The following HIPK2 variants were observed in gnomAD, a reference collection of about 807,000 sequenced individuals.
HIPK2 encodes the protein homeodomain interacting protein kinase 2.
A neutral mutation model predicts 113.7 loss-of-function variants in HIPK2; 27 were observed. The ratio of observed to expected loss-of-function variants is 0.24; its 90% CI spans 0.17 to 0.33. HIPK2 has a LOEUF of 0.33. Among genes scored for constraint, HIPK2 ranks in the 10% least tolerant of loss-of-function variants. The probability of loss-of-function intolerance (pLI) is 1.00; values close to 1 mark genes in which losing one functional copy is unlikely to be tolerated. For missense variants in HIPK2, 1,257 were observed against 1,588.0 expected (o/e 0.79, Z 3.54); for synonymous variants, 631 against 642.2 (o/e 0.98, Z 0.26).
At chr7:139,637,503 T>C (rs1800852665) in intron 2 of HIPK2, among the ~76,000 whole-genome samples, 1 of 152,216 alleles carries the variant, frequency 6.6e-6, no homozygotes, top group African/African-American at 2.4e-5. Context: ...CCCTGCTGGC[T>C]GTCACATGGC....
intron 2 of HIPK2, among the ~76,000 whole-genome samples, chr7:139,703,255 C>T (rs956066317): frequency 2.4e-4 from 36 of 152,162 alleles, no homozygotes; most frequent in Non-Finnish European, 1.2e-4. Flanking sequence ...GTGACCACCA[C>T]CACACTGAGA....
At chr7:139,769,660 C>T (rs921143951) in intron 1 of HIPK2, among the ~76,000 whole-genome samples, 2 of 152,210 alleles carry the variant, frequency 1.3e-5, no homozygotes, top group South Asian at 2.1e-4. Flanking sequence ...TATAGGAATA[C>T]CTCATTTATC....
intron 2 of HIPK2, among the ~76,000 whole-genome samples, chr7:139,669,090 T>C (rs4130471): frequency 0.37 from 55,973 of 152,122 alleles, 11,009 homozygotes; most frequent in East Asian, 0.55. Context: ...AAAATCTCTT[T>C]CTCTGGATTA....
chr7:139,770,260 CA>C (rs1356377123), intron 1 of HIPK2, among the ~76,000 whole-genome samples: 5 of 152,148 alleles, frequency 3.3e-5, no homozygotes, highest in Non-Finnish European at 7.3e-5. Flanking sequence ...TGGAGTTTTC[CA>C]AATCTCCCTG....
Position 139,572,980 on chromosome 7 carries a change from A to T in HIPK2, c.3544T>A (p.Tyr1182Asn). The part of the protein sequence containing the change: ...YISASPASTV[Y>N]TGYPLSPAKV... ...GCGGGGCTCAGTGGGTATCCAGTGT[A>T]GACGGTGGAGGCTGGCGAGGCGCTG... The change falls in exon 15 of 15, where the codon TAC becomes AAC. Residue 1182 changes from tyrosine (Y) to asparagine (N), a missense_variant. Tyr to Asn is a moderately radical substitution (Grantham distance 143). Around this residue, in one of 5 missense-constraint regions of HIPK2, gnomAD observed 862 missense variants for 1,004.3 expected, o/e 0.86. Coordinates refer to ENST00000406875, the MANE Select transcript of HIPK2 (RefSeq NM_022740.5). 7.2e-7 allele frequency: 1 copy of T among 1,393,002 alleles called. No individual in the cohort carries two copies. Among genetic ancestry groups the T allele is most frequent in the Non-Finnish European group, 9.6e-7 (1 of 1,045,308 alleles). The allele number at this position is 1,393,002 out of a possible 1,614,324, so 86.3% of individuals were successfully genotyped here.
chr7:139,723,750 G>C (rs973086705), intron 1 of HIPK2, among the ~76,000 whole-genome samples: 3 of 152,294 alleles, frequency 2.0e-5, no homozygotes, highest in African/African-American at 7.2e-5. Flanking sequence ...CAATTTCACT[G>C]AATTCTAGCA....
intron 1 of HIPK2, among the ~76,000 whole-genome samples, chr7:139,741,450 C>T (rs1796096623): frequency 6.6e-6 from 1 of 152,138 alleles, no homozygotes; most frequent in African/African-American, 2.4e-5. Flanking sequence ...GTTGGCAGGC[C>T]TGGCATTATT....
chr7:139,614,978 C>T (rs983116041), intron 7 of HIPK2, among the ~76,000 whole-genome samples: 2 of 152,296 alleles, frequency 1.3e-5, no homozygotes, highest in Middle Eastern at 3.4e-3. Context: ...TCTCTCTGCC[C>T]AAGCCCCATT....
At chr7:139,715,791 AT>A in intron 2 of HIPK2, 140 bp downstream of exon 2, 1 of 1,218,852 alleles carries the variant, frequency 8.2e-7, no homozygotes, top group South Asian at 1.6e-5. Context: ...ACATGTCCTA[AT>A]TTCGTAAGTA....
At chr7:139,747,319 G>GA (rs776649020) in intron 1 of HIPK2, among the ~76,000 whole-genome samples, 2 of 152,162 alleles carry the variant, frequency 1.3e-5, no homozygotes, top group African/African-American at 4.8e-5. Context: ...AGACTCAGGG[G>GA]AAACCCTCCT....
At chr7:139,628,874 A>G (rs1800516800) in intron 5 of HIPK2, 79 bp downstream of exon 5, 9 of 1,238,042 alleles carry the variant, frequency 7.3e-6, no homozygotes, top group Non-Finnish European at 9.2e-6. Context: ...TCAACCCATT[A>G]TCTTCTATTA....
intron 1 of HIPK2, among the ~76,000 whole-genome samples, chr7:139,768,338 A>G (rs1171557353): frequency 6.6e-6 from 1 of 152,214 alleles, no homozygotes; most frequent in Non-Finnish European, 1.5e-5. Flanking sequence ...AGACTACAAC[A>G]GGACCCTATC....
chr7:139,595,692 G>A (rs1569448809), intron 12 of HIPK2, among the ~76,000 whole-genome samples: 1 of 152,122 alleles, frequency 6.6e-6, no homozygotes, highest in Non-Finnish European at 1.5e-5. Context: ...GGAAGGGAAC[G>A]TCCTATGCAG....
chr7:139,628,574 C>G (rs568483422), intron 5 of HIPK2, among the ~76,000 whole-genome samples: 2 of 152,212 alleles, frequency 1.3e-5, no homozygotes, highest in African/African-American at 4.8e-5. Context: ...GCTGAGATTA[C>G]AGGTGCTCAC....
In HIPK2 at chr7:139,566,357, G is replaced by GA. The variant is rs1798091198; in HGVS notation, c.*6569dup. On this transcript the variant is annotated 3_prime_UTR_variant, in exon 15 of 15. Transcript: ENST00000406875. This position sits in a 1 kb window ranked among gnomAD's most constrained non-coding sequence, Gnocchi z 4.1. ...TGGGCAGTTTCCTTGGCTGTAGGGG[G>GA]ACTAATATTGCCGATCTCACAGGGC... 6.6e-6 allele frequency: 1 copy of GA among 152,258 alleles called. No individual in the cohort carries two copies. Among genetic ancestry groups the GA allele is most frequent in the African/African-American group, 2.4e-5 (1 of 41,438 alleles). The allele number at this position is 152,258 out of a possible 1,614,324, so 9.4% of individuals were successfully genotyped here.
chr7:139,730,968 G>A (rs1313605536), intron 1 of HIPK2, among the ~76,000 whole-genome samples: 3 of 152,172 alleles, frequency 2.0e-5, no homozygotes, highest in African/African-American at 7.2e-5. Context: ...CAGAAGCCGA[G>A]AGAAGGCAAG....
chr7:139,690,563 T>C (rs539825202), intron 2 of HIPK2, among the ~76,000 whole-genome samples: 1 of 152,092 alleles, frequency 6.6e-6, no homozygotes, highest in East Asian at 1.9e-4. Context: ...CCCAGCACTT[T>C]GGGGTGGGGG....
intron 1 of HIPK2, among the ~76,000 whole-genome samples, chr7:139,772,469 G>A (rs1214208773): frequency 6.6e-6 from 1 of 152,208 alleles, no homozygotes; most frequent in South Asian, 2.1e-4. Flanking sequence ...GTTACAGACA[G>A]TAATATTTAT....
intron 2 of HIPK2, among the ~76,000 whole-genome samples, chr7:139,634,203 C>T (rs1011336612): frequency 1.2e-4 from 19 of 152,238 alleles, no homozygotes; most frequent in Middle Eastern, 3.4e-3. Context: ...TCACACTTGC[C>T]GGTCTGGGCA....
Sources: allele counts gnomAD v4.1 joint callset (sites outside exome capture counted in the v4.1 genomes callset), GRCh38; gene constraint gnomAD v4.1.1; regional missense constraint gnomAD v4.1.1; non-coding constraint Gnocchi (gnomAD v3.1); transcripts MANE v1.5; gene names NCBI Gene and HGNC (gene_info 2026-07-23, HGNC 2026-07-21).